The following TALDO1 variants were observed in gnomAD, a reference collection of about 807,000 sequenced individuals.
TALDO1 encodes the protein transaldolase 1, also known as transaldolase.
In TALDO1, 29 loss-of-function variants were observed where a neutral mutation model predicts 38.1. That is an observed-to-expected ratio of 0.76 (90% CI 0.57 to 1.04). The LOEUF (loss-of-function observed/expected upper bound fraction) is 1.04. Ranked by LOEUF, TALDO1 falls within the 50% of genes least tolerant of loss-of-function variation. The pLI, the probability that TALDO1 is intolerant of heterozygous loss-of-function variation, is 0.00. For missense variants in TALDO1, 499 were observed against 438.1 expected (o/e 1.14, Z -1.24); for synonymous variants, 207 against 176.8 (o/e 1.17, Z -1.36).
At chr11:752,331 C>T (rs933683688) in intron 1 of TALDO1, 1 of 151,854 alleles carries the variant, frequency 6.6e-6, no homozygotes, top group African/African-American at 2.4e-5. Flanking sequence ...CTGCCCGCCT[C>T]GGCCTCCTAA....
intron 1 of TALDO1, among the ~76,000 whole-genome samples, chr11:751,088 C>T (rs1337420732): frequency 6.6e-6 from 1 of 152,028 alleles, no homozygotes; most frequent in Non-Finnish European, 1.5e-5. Flanking sequence ...GGGTCTTGCT[C>T]TGTCACCCAG....
chr11:762,163 C>T (rs1862936815), intron 4 of TALDO1, among the ~76,000 whole-genome samples: 1 of 152,056 alleles, frequency 6.6e-6, no homozygotes, highest in Non-Finnish European at 1.5e-5. Flanking sequence ...TGGGGTTTCT[C>T]ATGTTAGTCA....
At chr11:755,767 G>A (rs1048730363) in intron 1 of TALDO1, 112 bp from the exon 2 acceptor site, 11 of 1,542,896 alleles carry the variant, frequency 7.1e-6, no homozygotes, top group East Asian at 2.3e-5. Context: ...CCCCGCTTTC[G>A]GAAATGCTCT....
chr11:758,355 G>T (rs11246303), intron 2 of TALDO1, among the ~76,000 whole-genome samples: 3 of 152,208 alleles, frequency 2.0e-5, no homozygotes, highest in African/African-American at 7.2e-5. Context: ...GCTGAGGCAG[G>T]AGGATCACTT....
chr11:751,802 CAATA>C (rs1419708869), intron 1 of TALDO1, among the ~76,000 whole-genome samples: 2 of 151,548 alleles, frequency 1.3e-5, no homozygotes, highest in Non-Finnish European at 2.9e-5. Flanking sequence ...CTCAAAATAA[CAATA>C]ATAATAATAA....
chr11:760,407 G>A, intron 4 of TALDO1, 154 bp downstream of exon 4: 1 of 1,100,436 alleles, frequency 9.1e-7, no homozygotes, highest in South Asian at 1.3e-5. Context: ...GCTCATGTCA[G>A]CCTAGATCTG....
intron 1 of TALDO1, among the ~76,000 whole-genome samples, chr11:755,566 A>G (rs1862821656): frequency 6.6e-6 from 1 of 152,096 alleles, no homozygotes; most frequent in Non-Finnish European, 1.5e-5. Flanking sequence ...CGGCAGTGGG[A>G]TGCACATTTT....
rs774210869 is a variant in TALDO1, at chr11:755,901, G to C, written c.120G>C (p.Gln40His). The change falls in exon 2 of 8, where the codon CAG becomes CAC. Residue 40 changes from glutamine (Q) to histidine (H), a missense_variant. Transcript: ENST00000319006. The stretch of plus-strand genomic sequence containing the variant: ...TAGCCATCGACGAGTACAAGCCCCA[G>C]GATGCTACCACCAACCCGTCCCTGA... ...DFHAIDEYKP[Q>H]DATTNPSLIL... 8 of 1,614,064 alleles carry C rather than the reference G, an allele frequency of 5.0e-6. 1 individual carries two copies. The Admixed American group carries it at 5.0e-5, about 10-fold the overall frequency.
chr11:763,760 C>A lies in TALDO1; in HGVS notation c.651C>A (p.Val217=). Residue 217 remains valine, a synonymous_variant, in exon 6 of 8, where the codon GTC becomes GTA. Coordinates refer to ENST00000319006, the MANE Select transcript of TALDO1 (RefSeq NM_006755.2). ...GTCTCTTTCCAGGGGTAAAGAGTGT[C>A]ACTAAAATCTACAACTACTACAAGA... ...EPLEDPGVKS[V]TKIYNYYKKF... 6.2e-7 allele frequency: 1 copy of A among 1,614,044 alleles called. No individual in the cohort carries two copies. The highest frequency in any genetic ancestry group is 1.1e-5 in the South Asian group (1 of 91,074).
At chr11:759,335 C>T (rs973670540) in intron 3 of TALDO1, among the ~76,000 whole-genome samples, 2 of 152,184 alleles carry the variant, frequency 1.3e-5, no homozygotes, top group East Asian at 1.9e-4. Context: ...AATCTCAGCT[C>T]ACTGCAACCT....
intron 4 of TALDO1, among the ~76,000 whole-genome samples, chr11:762,611 G>T (rs572027092): frequency 1.3e-5 from 2 of 152,174 alleles, no homozygotes; most frequent in South Asian, 4.1e-4. Context: ...GAACACCCCC[G>T]TGTGGCCATG....
intron 2 of TALDO1, among the ~76,000 whole-genome samples, chr11:758,255 C>T (rs1318752814): frequency 6.6e-6 from 1 of 152,010 alleles, no homozygotes; most frequent in Admixed American, 6.6e-5. Context: ...TGCACTCCAG[C>T]CTGGGCGACA....
rs149662435 is a variant in TALDO1, at chr11:757,638, CTG to C, written c.222-1306_222-1305del. Among the ~76,000 whole-genome samples the C allele has an allele frequency of 2.4e-3, 370 of 152,302 alleles. 1 individual carries two copies. Among genetic ancestry groups the C allele is most frequent in the African/African-American group, 8.5e-3 (355 of 41,560 alleles). ...TCTGAGCGTCTAGCTGAAGATCTTC[CTG>C]TGTGTAGTGGGCTAACAAGGCTGCT... On this transcript the variant is annotated intron_variant, in intron 2 of 7. Transcript: ENST00000319006.
In TALDO1 at chr11:764,690, C is replaced by T. The variant is rs565423704; in HGVS notation, c.982-123C>T. 2.5e-5 allele frequency: 37 copies of T among 1,500,096 alleles called. No individual in the cohort carries two copies. The Admixed American group carries it at 3.7e-4, about 15-fold the overall frequency. 92.9% of individuals were successfully genotyped at this position (1,500,096 alleles called of 1,614,324 possible). On this transcript the variant is annotated intron_variant, in intron 7 of 7. Coordinates refer to ENST00000319006, the MANE Select transcript of TALDO1 (RefSeq NM_006755.2). ...ACTGTGGTATTGGCCACCCTGTGGC[C>T]GTGGCCCCCACACAGAGTGCAGACC...
intron 7 of TALDO1, 23 bp from the exon 8 acceptor site, chr11:764,790 G>A: frequency 1.2e-6 from 2 of 1,614,176 alleles, no homozygotes; most frequent in African/African-American, 1.3e-5. Context: ...GGGAGACACA[G>A]CTCGTGCTCT....
rs750925017 is a variant in TALDO1, at chr11:763,801, C to G, written c.692C>G (p.Thr231Ser). ...YNYYKKFSYK[T>S]IVMGASFRNT... ...TACTACAAGAAGTTTAGCTACAAAA[C>G]CATTGTCATGGGCGCCTCCTTCCGC... The change falls in exon 6 of 8, where the codon ACC (threonine) becomes AGC (serine). Residue 231 changes from threonine to serine, a missense_variant. Transcript: ENST00000319006. The G allele has an allele frequency of 3.7e-5, 59 of 1,614,002 alleles. No individual in the cohort carries two copies. The highest frequency in any genetic ancestry group is 1.6e-4 in the Middle Eastern group (1 of 6,084).
intron 6 of TALDO1, 96 bp downstream of exon 6, chr11:764,040 G>C (rs542825308): frequency 7.7e-5 from 114 of 1,479,398 alleles, no homozygotes; most frequent in Non-Finnish European, 1.0e-4. Context: ...CCTGTGGGGC[G>C]AGCTCATCTT....
At chr11:752,204 G>A (rs1862762692) in intron 1 of TALDO1, 1 of 151,962 alleles carries the variant, frequency 6.6e-6, no homozygotes, top group Non-Finnish European at 1.5e-5. Flanking sequence ...AGAGTAGCTG[G>A]GACTACAGGC....
rs1862830995 is a variant in TALDO1 at position 755,989 on chromosome 11, C to CG, written c.210dup (p.Lys71GlufsTer11). 6.2e-7 allele frequency: 1 copy of CG among 1,613,128 alleles called. No homozygotes were observed. The highest frequency in any genetic ancestry group is 1.3e-5 in the African/African-American group (1 of 74,908). ...GGTGGAGGAGGCGATTGCCTATGGCCGGAAGCTGGGCGGGTGAGTGCCTGG... is the reference window on the plus strand; with the variant it reads ...GGTGGAGGAGGCGATTGCCTATGGCCGGGAAGCTGGGCGGGTGAGTGCCTGG... On this transcript the variant is annotated frameshift_variant, in exon 2 of 8. Coordinates refer to ENST00000319006, the MANE Select transcript of TALDO1 (RefSeq NM_006755.2). LOFTEE classifies it high-confidence loss of function.
Sources: allele counts gnomAD v4.1 joint callset (sites outside exome capture counted in the v4.1 genomes callset), GRCh38; gene constraint gnomAD v4.1.1; transcripts MANE v1.5; gene names NCBI Gene and HGNC (gene_info 2026-07-23, HGNC 2026-07-21).